MARCHF10: variants seen among roughly 807,000 people sequenced by gnomAD.
MARCHF10 encodes the protein probable E3 ubiquitin-protein ligase MARCHF10.
A neutral mutation model predicts 76.2 loss-of-function variants in MARCHF10; 64 were observed. The ratio of observed to expected loss-of-function variants is 0.84; its 90% CI spans 0.69 to 1.03. The LOEUF (loss-of-function observed/expected upper bound fraction) is 1.03. Among genes scored for constraint, MARCHF10 ranks in the 50% least tolerant of loss-of-function variants. The pLI is 0.00. For synonymous variants in MARCHF10, 340 were observed against 357.5 expected (o/e 0.95, Z 0.55); for missense variants, 875 against 958.0 (o/e 0.91, Z 1.14).
chr17:62,805,749 T>C (rs1459626322), intron 1 of MARCHF10, among the ~76,000 whole-genome samples: 2 of 151,910 alleles, frequency 1.3e-5, no homozygotes, highest in East Asian at 3.9e-4. Flanking sequence ...CCATCTTTAC[T>C]AAAAATACAA....
rs2091305178 is a variant in MARCHF10 at position 62,737,110 on chromosome 17, C to T, written c.758G>A (p.Gly253Glu). Residue 253 changes from glycine to glutamate, a missense_variant, in exon 6 of 11, where the codon GGG becomes GAG. Physicochemically the swap from Gly to Glu is moderately conservative, Grantham distance 98. Coordinates refer to ENST00000311269, the MANE Select transcript of MARCHF10 (RefSeq NM_152598.4). ...TACAGTGGTGGGTGTGAGTGGTGGCCCCGAGAACTCACTCAATACTTGAGG... is the reference window on the plus strand; with the variant it reads ...TACAGTGGTGGGTGTGAGTGGTGGCTCCGAGAACTCACTCAATACTTGAGG... ...NSPQVLSEFS[G>E]PPLTPTTVGG... The T allele has an allele frequency of 1.2e-6, 2 of 1,613,970 alleles. No homozygotes were observed. The highest frequency in any genetic ancestry group is 1.3e-5 in the African/African-American group (1 of 74,960).
intron 3 of MARCHF10, 113 bp from the exon 4 acceptor site, chr17:62,760,119 G>C: frequency 4.6e-6 from 4 of 872,952 alleles, no homozygotes; most frequent in Non-Finnish European, 7.2e-6. Flanking sequence ...TAATCCTAGA[G>C]TCTTCTGCCA....
intron 1 of MARCHF10, chr17:62,806,386 G>C (rs557130674): frequency 6.6e-6 from 1 of 152,160 alleles, no homozygotes; most frequent in Non-Finnish European, 1.5e-5. Flanking sequence ...TGAGCAAGGC[G>C]CATGTTTCTA....
chr17:62,763,057 T>A (rs562492905), intron 3 of MARCHF10, among the ~76,000 whole-genome samples: 10 of 152,352 alleles, frequency 6.6e-5, no homozygotes, highest in African/African-American at 2.2e-4. Context: ...TGAACAATAG[T>A]ATCTACCTTT....
intron 9 of MARCHF10, among the ~76,000 whole-genome samples, chr17:62,708,735 G>A (rs1461068102): frequency 1.7e-4 from 26 of 152,194 alleles, no homozygotes; most frequent in African/African-American, 1.2e-4. Context: ...CATTTGGGAC[G>A]TCAGTAAACA....
intron 10 of MARCHF10, chr17:62,703,305 G>A (rs1209088636): frequency 6.6e-6 from 1 of 152,388 alleles, no homozygotes; most frequent in Non-Finnish European, 1.5e-5. Context: ...TCACAGCTGT[G>A]ACTCACCTCC....
intron 4 of MARCHF10, chr17:62,750,383 T>C: frequency 6.5e-6 from 1 of 154,002 alleles, no homozygotes; most frequent in Non-Finnish European, 1.5e-5. Flanking sequence ...GAGAGGACAG[T>C]CAGGAGGTTC....
Position 62,737,161 on chromosome 17 carries a change from G to A in MARCHF10, c.707C>T (p.Ser236Phe). Residue 236 changes from serine (S) to phenylalanine (F), a missense_variant, in exon 6 of 11, where the codon TCC becomes TTC. Transcript: ENST00000311269. Reference protein sequence around the residue: ...PSQSELHPALSQAFQGKNSPQ... With the variant: ...PSQSELHPALFQAFQGKNSPQ... Reference sequence around the variant, plus strand: ...ACTATTTTTTCCTTGGAAGGCCTGGGACAGGGCTGGATGCAGCTCACTCTG... The same window carrying A: ...ACTATTTTTTCCTTGGAAGGCCTGGAACAGGGCTGGATGCAGCTCACTCTG... The A allele has an allele frequency of 1.9e-6, 3 of 1,614,060 alleles. No individual in the cohort carries two copies. The highest frequency in any genetic ancestry group is 2.5e-6 in the Non-Finnish European group (3 of 1,180,004).
chr17:62,723,559 C>CTT lies in MARCHF10; in HGVS notation c.2105-964_2105-963dup, dbSNP rs60456766. Among the ~76,000 whole-genome samples, 46 of 80,364 alleles carry CTT rather than the reference C, an allele frequency of 5.7e-4. 4 individuals are homozygous for CTT. The highest frequency in any genetic ancestry group is 2.1e-3 in the East Asian group (6 of 2,870). The allele number at this position is 80,364 out of a possible 152,430, so 52.7% of individuals were successfully genotyped here. A position where few individuals can be genotyped will look rare whatever the true frequency, so the allele number is the denominator to read the frequency against. Reference sequence around the variant, plus strand: ...CCTTATCTGCATTTTGTTCGCTTGACTTTTTTTTTTTTTTTTTTTAGCGTC... The same window carrying CTT: ...CCTTATCTGCATTTTGTTCGCTTGACTTTTTTTTTTTTTTTTTTTTTAGCGTC... On this transcript the variant is annotated intron_variant, in intron 7 of 10. Transcript: ENST00000311269.
intron 10 of MARCHF10, 137 bp from the exon 11 acceptor site, chr17:62,701,895 A>C: frequency 8.7e-7 from 1 of 1,151,124 alleles, no homozygotes; most frequent in Non-Finnish European, 1.3e-6. Context: ...CAGTGCCTGG[A>C]ACCGTGTGGG....
At chr17:62,780,556 C>T (rs1297648288) in intron 3 of MARCHF10, among the ~76,000 whole-genome samples, 2 of 152,150 alleles carry the variant, frequency 1.3e-5, no homozygotes, top group Non-Finnish European at 2.9e-5. Flanking sequence ...CTGCCTACGC[C>T]TCCTTCCGAT....
intron 3 of MARCHF10, among the ~76,000 whole-genome samples, chr17:62,761,562 C>CA (rs1247296558): frequency 6.6e-6 from 1 of 152,134 alleles, no homozygotes; most frequent in African/African-American, 2.4e-5. Flanking sequence ...GCTGGGATTA[C>CA]AGGCACCCAC....
At chr17:62,701,913 G>A (rs1162459786) in intron 10 of MARCHF10, among the ~76,000 whole-genome samples, 155 bp from the exon 11 acceptor site, 6 of 152,198 alleles carry the variant, frequency 3.9e-5, no homozygotes, top group Non-Finnish European at 8.8e-5. Context: ...GGGGAACAGA[G>A]ACCTGCAGTC....
chr17:62,763,106 G>A (rs759083237), intron 3 of MARCHF10, among the ~76,000 whole-genome samples: 1 of 152,156 alleles, frequency 6.6e-6, no homozygotes, highest in African/African-American at 2.4e-5. Flanking sequence ...ATATATGTAC[G>A]CATAGCACTT....
intron 2 of MARCHF10, among the ~76,000 whole-genome samples, chr17:62,792,710 AACCATCACCACCACCACC>A (rs1481023675): frequency 2.5e-5 from 2 of 80,270 alleles, no homozygotes; most frequent in Non-Finnish European, 5.2e-5. Context: ...CCATCACTAC[AACCATCACCACCACCACC>A]ACCATCACCA....
rs1183362329 is a variant in MARCHF10 at position 62,711,194 on chromosome 17, C to T, written c.2328+37G>A. 3 of 1,579,180 alleles carry T rather than the reference C, an allele frequency of 1.9e-6. No individual in the cohort carries two copies. The highest frequency in any genetic ancestry group is 2.2e-5 in the East Asian group (1 of 44,678). On this transcript the variant is annotated intron_variant, in intron 9 of 10. Coordinates refer to ENST00000311269, the MANE Select transcript of MARCHF10 (RefSeq NM_152598.4). The surrounding 1 kb of genome is among the most constrained non-coding windows in gnomAD (Gnocchi z 4.4). ...AAACAGCACTGCAGGGTTTTCAGGGCTGCCACCGGACAGCTCTGGGTCACA... is the reference window on the plus strand; with the variant it reads ...AAACAGCACTGCAGGGTTTTCAGGGTTGCCACCGGACAGCTCTGGGTCACA...
intron 9 of MARCHF10, among the ~76,000 whole-genome samples, chr17:62,710,206 A>G (rs533523302): frequency 1.3e-5 from 2 of 152,322 alleles, no homozygotes; most frequent in East Asian, 3.9e-4. Flanking sequence ...TGTAACCTGT[A>G]TCAACCCCGG....
Position 62,736,283 on chromosome 17 carries a change from T to G in MARCHF10, c.1585A>C (p.Asn529His). Residue 529 changes from asparagine to histidine, a missense_variant, in exon 6 of 11, where the codon AAT (asparagine) becomes CAT (histidine). Physicochemically the swap from Asn to His is moderately conservative, Grantham distance 68 (BLOSUM62 1). Transcript: ENST00000311269. ...TGTGCACTGTTTACTGGGAAATAAT[T>G]ATGGTTTTCGGCACTGGCAAATGGA... ...RTPFASAENH[N>H]YFPVNSAHEF... 1 of 1,614,182 alleles carries G rather than the reference T, an allele frequency of 6.2e-7. No homozygotes were observed. Among genetic ancestry groups the G allele is most frequent in the East Asian group, 2.2e-5 (1 of 44,884 alleles).
chr17:62,798,102 A>T (rs542458471), intron 2 of MARCHF10, among the ~76,000 whole-genome samples: 1 of 152,312 alleles, frequency 6.6e-6, no homozygotes, highest in Admixed American at 6.5e-5. Flanking sequence ...TATGACTCTG[A>T]TGCTCTGGGG....
Sources: allele counts gnomAD v4.1 joint callset (sites outside exome capture counted in the v4.1 genomes callset), GRCh38; gene constraint gnomAD v4.1.1; non-coding constraint Gnocchi (gnomAD v3.1); transcripts MANE v1.5; gene names NCBI Gene and HGNC (gene_info 2026-07-23, HGNC 2026-07-21).